The following RBFOX3 variants were observed in gnomAD, a reference collection of about 807,000 sequenced individuals.
RBFOX3 encodes the protein RNA binding protein fox-1 homolog 3.
In RBFOX3, 17 loss-of-function variants were observed where a neutral mutation model predicts 48.7. The ratio of observed to expected loss-of-function variants is 0.35; its 90% confidence interval spans 0.24 to 0.52. The LOEUF (loss-of-function observed/expected upper bound fraction) is 0.52, where lower values mean the gene tolerates loss of function less well. Among genes scored for constraint, RBFOX3 ranks in the 20% least tolerant of loss-of-function variants. RBFOX3 has a pLI of 0.94. For synonymous variants in RBFOX3, 212 were observed against 209.5 expected (o/e 1.01, Z -0.10); for missense variants, 382 against 497.5 (o/e 0.77, Z 2.21).
At chr17:79,583,293 C>T (rs1346513609) in intron 1 of RBFOX3, among the ~76,000 whole-genome samples, 1 of 152,158 alleles carries the variant, frequency 6.6e-6, no homozygotes, top group Non-Finnish European at 1.5e-5. Context: ...AAGGCCCTGA[C>T]ACTTTCATTC....
chr17:79,238,378 G>C (rs1217406667), intron 3 of RBFOX3, among the ~76,000 whole-genome samples: 3 of 152,238 alleles, frequency 2.0e-5, no homozygotes, highest in African/African-American at 7.2e-5. Context: ...GCCTTGGAAG[G>C]GTACGTCTGT....
chr17:79,469,082 G>C (rs1238831601), intron 2 of RBFOX3, among the ~76,000 whole-genome samples: 1 of 152,176 alleles, frequency 6.6e-6, no homozygotes, highest in Non-Finnish European at 1.5e-5. Flanking sequence ...CTGACAGATA[G>C]ATAGATAGAT....
intron 4 of RBFOX3, among the ~76,000 whole-genome samples, chr17:79,207,565 T>C (rs534978800): frequency 1.3e-5 from 2 of 152,374 alleles, no homozygotes; most frequent in South Asian, 2.1e-4. Flanking sequence ...CCTGGGCCTA[T>C]GGGCTGTGGG....
chr17:79,634,197 T>C, the RBFOX3 span, among the ~76,000 whole-genome samples: 3 of 152,292 alleles, frequency 2.0e-5, 1 homozygote, highest in Admixed American at 2.0e-4. Context: ...CTGCTTTCTG[T>C]ACTGGTGAAG....
At position 79,107,989 on chromosome 17, in the gene RBFOX3, CA is replaced by C. The variant is rs543890504; in HGVS notation, c.223-1202del. Among the ~76,000 whole-genome samples, 182 of 152,356 alleles carry C rather than the reference CA, an allele frequency of 1.2e-3. 1 individual carries two copies. Among genetic ancestry groups the C allele is most frequent in the Middle Eastern group, 6.8e-3 (2 of 294 alleles). On this transcript the variant is annotated intron_variant, in intron 5 of 14. Transcript: ENST00000693108. The stretch of plus-strand genomic sequence containing the variant: ...GCTGCCCATGGGAACAGCAGGCTGA[CA>C]ATGTGCCTTTTATTGGCTTCCTTCG...
chr17:79,112,942 G>A (rs1366711216), intron 5 of RBFOX3, among the ~76,000 whole-genome samples: 1 of 150,532 alleles, frequency 6.6e-6, no homozygotes, highest in Admixed American at 6.6e-5. Context: ...CAGGGATGGT[G>A]GGGAAGGAAG....
intron 4 of RBFOX3, among the ~76,000 whole-genome samples, chr17:79,173,422 T>C (rs1273684642): frequency 1.3e-5 from 2 of 151,952 alleles, no homozygotes; most frequent in Admixed American, 1.3e-4. Context: ...CCCTTGGAGG[T>C]CGTCTTCCTA....
At chr17:79,336,122 C>G (rs1353832029) in intron 2 of RBFOX3, among the ~76,000 whole-genome samples, 1 of 152,294 alleles carries the variant, frequency 6.6e-6, no homozygotes, top group East Asian at 1.9e-4. Flanking sequence ...AGCAGTGGCT[C>G]TCGCCTGTAA....
intron 4 of RBFOX3, among the ~76,000 whole-genome samples, chr17:79,149,372 G>C (rs2043804402): frequency 6.6e-6 from 1 of 152,166 alleles, no homozygotes; most frequent in African/African-American, 2.4e-5. Context: ...ACAAAGGGGG[G>C]CTTGGCTCAG....
In RBFOX3 at chr17:79,239,132, C is replaced by T. The variant is rs1429786707; in HGVS notation, c.-73-3327G>A. ...TGGTTGCCCATCCCTGGGATGGTGCCTCGCTTCGTGTTTCTGAGATGTCGG... is the reference window on the plus strand; with the variant it reads ...TGGTTGCCCATCCCTGGGATGGTGCTTCGCTTCGTGTTTCTGAGATGTCGG... On this transcript the variant is annotated intron_variant, in intron 3 of 14. Coordinates refer to ENST00000693108, the MANE Select transcript of RBFOX3 (RefSeq NM_001350451.2). Among the ~76,000 whole-genome samples the T allele has an allele frequency of 3.3e-5, 5 of 152,302 alleles. No individual in the cohort carries two copies. The East Asian group carries it at 9.7e-4, about 30-fold the overall frequency.
chr17:79,367,666 G>T (rs931027885), intron 2 of RBFOX3, among the ~76,000 whole-genome samples: 1 of 152,120 alleles, frequency 6.6e-6, no homozygotes, highest in African/African-American at 2.4e-5. Flanking sequence ...ATGCAGCAGA[G>T]GAGAAAATGG....
intron 1 of RBFOX3, among the ~76,000 whole-genome samples, chr17:79,542,244 G>C (rs1555790569): frequency 6.6e-6 from 1 of 152,152 alleles, no homozygotes; most frequent in Non-Finnish European, 1.5e-5. Context: ...GACAGCTCAG[G>C]GGTCTCTCCC....
chr17:79,101,017 A>ACCT (rs1202857503), intron 9 of RBFOX3, among the ~76,000 whole-genome samples: 2 of 151,852 alleles, frequency 1.3e-5, no homozygotes, highest in Non-Finnish European at 1.5e-5. Context: ...AAATCTGAGC[A>ACCT]CCTCCCCCCG....
At chr17:79,139,837 T>C (rs973331493) in intron 4 of RBFOX3, among the ~76,000 whole-genome samples, 3 of 152,180 alleles carry the variant, frequency 2.0e-5, no homozygotes, top group African/African-American at 7.2e-5. Flanking sequence ...AGAACCACCG[T>C]GTGTGCCCGG....
intron 2 of RBFOX3, among the ~76,000 whole-genome samples, chr17:79,371,025 C>T (rs533752377): frequency 1.2e-4 from 18 of 152,150 alleles, no homozygotes; most frequent in African/African-American, 2.9e-4. Context: ...GGAAGGGGGA[C>T]ATGCACGGCA....
chr17:79,327,990 G>A (rs1181139921), intron 2 of RBFOX3, among the ~76,000 whole-genome samples: 1 of 152,146 alleles, frequency 6.6e-6, no homozygotes, highest in African/African-American at 2.4e-5. Context: ...CACCGCACCT[G>A]GCCTTCCTTC....
chr17:79,519,691 C>T (rs1010700231), intron 1 of RBFOX3, among the ~76,000 whole-genome samples: 121 of 152,328 alleles, frequency 7.9e-4, no homozygotes, highest in Non-Finnish European at 1.5e-3. Flanking sequence ...CTGTTTACCT[C>T]GGGCCCCACC....
At chr17:79,277,294 A>G (rs1441214876) in intron 3 of RBFOX3, among the ~76,000 whole-genome samples, 7 of 46,632 alleles carry the variant, frequency 1.5e-4, no homozygotes, top group Non-Finnish European at 2.1e-4. Flanking sequence ...AAGGATTCCA[A>G]TGGTGGGGAG....
chr17:79,257,916 AAAAT>A (rs1490375007), intron 3 of RBFOX3, among the ~76,000 whole-genome samples: 1 of 152,168 alleles, frequency 6.6e-6, no homozygotes, highest in Admixed American at 6.5e-5. Context: ...AAAAAATAAA[AAAAT>A]AAAAAGCAAT....
Sources: allele counts gnomAD v4.1 joint callset (sites outside exome capture counted in the v4.1 genomes callset), GRCh38; gene constraint gnomAD v4.1.1; transcripts MANE v1.5; gene names NCBI Gene and HGNC (gene_info 2026-07-23, HGNC 2026-07-21).